Variants in SLC17A6 observed in about 807,000 individuals in gnomAD.
SLC17A6 encodes vesicular glutamate transporter 2.
Under a neutral mutation model 67.1 loss-of-function variants are expected in SLC17A6, and 35 were observed. That is an observed-to-expected ratio of 0.52 (90% CI 0.40 to 0.69). The LOEUF (loss-of-function observed/expected upper bound fraction) is 0.69, where lower values mean the gene tolerates loss of function less well. Among genes scored for constraint, SLC17A6 ranks in the 30% least tolerant of loss-of-function variants. The pLI, the probability that SLC17A6 is intolerant of heterozygous loss-of-function variation, is 0.00. For synonymous variants in SLC17A6, 285 were observed against 252.3 expected, an observed-to-expected ratio of 1.13 and a Z score of -1.23; for missense variants, 588 against 723.9, an observed-to-expected ratio of 0.81 and a Z score of 2.15.
intron 7 of SLC17A6, among the ~76,000 whole-genome samples, chr11:22,369,098 A>C (rs1322496449): frequency 1.3e-5 from 2 of 152,032 alleles, no homozygotes; most frequent in Non-Finnish European, 2.9e-5. Context: ...CAAGGATCCC[A>C]AGTTAACTTT....
At chr11:22,373,397 T>G (rs1052541088) in intron 8 of SLC17A6, among the ~76,000 whole-genome samples, 1 of 152,162 alleles carries the variant, frequency 6.6e-6, no homozygotes, top group Non-Finnish European at 1.5e-5. Context: ...TGAAATATAT[T>G]TACTCCATAT....
chr11:22,339,895 A>T (rs1211501941), intron 1 of SLC17A6, among the ~76,000 whole-genome samples: 1 of 86,032 alleles, frequency 1.2e-5, no homozygotes, highest in Admixed American at 1.3e-4. Flanking sequence ...CACACGAAGC[A>T]AATGCAGGAA....
chr11:22,342,851 A>G (rs1441334117), intron 2 of SLC17A6: 1 of 429,206 alleles, frequency 2.3e-6, no homozygotes, highest in African/African-American at 2.0e-5. Flanking sequence ...AAGTCACTAC[A>G]CTACTGTGTC....
At chr11:22,359,042 T>C (rs1478676642) in intron 3 of SLC17A6, among the ~76,000 whole-genome samples, 1 of 152,216 alleles carries the variant, frequency 6.6e-6, no homozygotes, top group African/African-American at 2.4e-5. Context: ...AAGGATACAA[T>C]GGATGTGAAA....
intron 9 of SLC17A6, among the ~76,000 whole-genome samples, chr11:22,375,618 T>G (rs1856224638): frequency 1.3e-5 from 2 of 151,732 alleles, no homozygotes; most frequent in Non-Finnish European, 2.9e-5. Context: ...GTAGCTGGGT[T>G]TACAGGCATG....
chr11:22,356,082 C>T (rs1359172142), intron 3 of SLC17A6, among the ~76,000 whole-genome samples: 1 of 152,172 alleles, frequency 6.6e-6, no homozygotes, highest in Non-Finnish European at 1.5e-5. Flanking sequence ...AGCTTTACTA[C>T]TTGCTTTTTT....
intron 1 of SLC17A6, among the ~76,000 whole-genome samples, chr11:22,340,398 C>T (rs1039084596): frequency 6.6e-6 from 1 of 152,192 alleles, no homozygotes; most frequent in Admixed American, 6.5e-5. Context: ...AACACTACCA[C>T]CTTTTAGTAA....
intron 3 of SLC17A6, among the ~76,000 whole-genome samples, chr11:22,346,521 C>T (rs1855877606): frequency 6.6e-6 from 1 of 152,028 alleles, no homozygotes; most frequent in African/African-American, 2.4e-5. Context: ...CCTTAAAGAG[C>T]TATTGCACAT....
At chr11:22,342,949 A>G (rs1317323202) in intron 2 of SLC17A6, 2 of 511,472 alleles carry the variant, frequency 3.9e-6, no homozygotes, top group Non-Finnish European at 7.6e-6. Flanking sequence ...CGAATTTCCA[A>G]GACGGGGGCC....
intron 2 of SLC17A6, 142 bp downstream of exon 2, chr11:22,341,922 T>C: frequency 1.6e-6 from 2 of 1,247,760 alleles, no homozygotes; most frequent in African/African-American, 1.5e-5. Flanking sequence ...TCTGCCGTTC[T>C]AGAATGGACC....
At chr11:22,373,647 T>C (rs530051456) in intron 8 of SLC17A6, among the ~76,000 whole-genome samples, 2 of 152,312 alleles carry the variant, frequency 1.3e-5, no homozygotes, top group Admixed American at 1.3e-4. Flanking sequence ...TCGACTCACG[T>C]AGAACTGATT....
At chr11:22,377,369 A>T (rs1167279666) in intron 11 of SLC17A6, 36 bp from the exon 12 acceptor site, 3 of 1,535,540 alleles carry the variant, frequency 2.0e-6, no homozygotes, top group Non-Finnish European at 2.6e-6. Flanking sequence ...AATCATGGGG[A>T]GTCAGTTCTC....
rs149934991 is a variant in SLC17A6 at position 22,365,852 on chromosome 11, T to C, written c.891+163T>C. Among the ~76,000 whole-genome samples, 280 of 152,340 alleles carry C rather than the reference T, an allele frequency of 1.8e-3. 1 individual carries two copies. Among genetic ancestry groups the C allele is most frequent in the African/African-American group, 6.3e-3 (263 of 41,588 alleles). On this transcript the variant is annotated intron_variant, in intron 7 of 11. Transcript: ENST00000263160. The stretch of plus-strand genomic sequence containing the variant: ...TATTCTCTGACTTAGGAATAATAGC[T>C]ATTTCCTCCATCTGTCATTTATTTT...
intron 3 of SLC17A6, among the ~76,000 whole-genome samples, chr11:22,350,468 C>A (rs925626626): frequency 4.7e-5 from 7 of 148,390 alleles, no homozygotes; most frequent in Non-Finnish European, 9.0e-5. Context: ...CAAAAAAAAA[C>A]CCAACAATTT....
At chr11:22,341,438 A>G in intron 1 of SLC17A6, 90 bp from the exon 2 acceptor site, 1 of 1,535,254 alleles carries the variant, frequency 6.5e-7, no homozygotes, top group Non-Finnish European at 8.7e-7. Context: ...CCTCCTCCCA[A>G]CCCCGACGGG....
chr11:22,364,682 T>C (rs1384984702), intron 6 of SLC17A6, among the ~76,000 whole-genome samples: 1 of 152,144 alleles, frequency 6.6e-6, no homozygotes, highest in Non-Finnish European at 1.5e-5. Context: ...CAGGAGCATT[T>C]AGATTGTTAC....
intron 6 of SLC17A6, among the ~76,000 whole-genome samples, chr11:22,363,294 A>T (rs1299203277): frequency 6.6e-6 from 1 of 152,192 alleles, no homozygotes; most frequent in East Asian, 1.9e-4. Flanking sequence ...CCGTAATGAA[A>T]TATCAGCAGT....
At position 22,376,582 on chromosome 11, in the gene SLC17A6, T is replaced by C. The variant is rs375406952; in HGVS notation, c.1323T>C (p.Tyr441=). The C allele has an allele frequency of 1.1e-5, 17 of 1,613,830 alleles. No individual in the cohort carries two copies. The African/African-American group carries it at 1.5e-4, about 14-fold the overall frequency. The change falls in exon 11 of 12, where the codon TAT becomes TAC. Residue 441 remains tyrosine, a synonymous_variant. Coordinates refer to ENST00000263160, the MANE Select transcript of SLC17A6 (RefSeq NM_020346.3). The part of the protein sequence containing the change: ...NVNHLDIAPR[Y]ASILMGISNG... Reference sequence around the variant, plus strand: ...ACCACTTGGATATCGCTCCAAGATATGCCAGTATCTTAATGGGCATTTCGA... The same window carrying C: ...ACCACTTGGATATCGCTCCAAGATACGCCAGTATCTTAATGGGCATTTCGA...
intron 9 of SLC17A6, among the ~76,000 whole-genome samples, chr11:22,375,378 A>T (rs1184188662): frequency 6.6e-6 from 1 of 152,084 alleles, no homozygotes; most frequent in African/African-American, 2.4e-5. Context: ...GTCTCAAAAA[A>T]TAAAAATAAA....
Sources: gnomAD v4.1 joint callset for allele counts (sites outside exome capture counted in the v4.1 genomes callset) on GRCh38, gnomAD v4.1.1 for gene constraint, MANE v1.5 for transcripts, NCBI Gene and HGNC (gene_info 2026-07-23, HGNC 2026-07-21) for gene names.